EFHC2: variants seen among roughly 807,000 people sequenced by gnomAD.
The protein encoded by EFHC2 is EF-hand domain-containing family member C2.
EFHC2 carries 18 observed loss-of-function variants against 52.7 expected under a neutral mutation model. The observed-to-expected ratio is 0.34, with a 90% CI of 0.24 to 0.51. The LOEUF (loss-of-function observed/expected upper bound fraction) is 0.51. Ranked by LOEUF, EFHC2 falls within the 20% of genes least tolerant of loss-of-function variation. EFHC2 has a pLI of 0.97. For synonymous variants in EFHC2, 203 were observed against 204.1 expected, an observed-to-expected ratio of 0.99 and a Z score of 0.04; for missense variants, 513 against 562.5, an observed-to-expected ratio of 0.91 and a Z score of 0.89.
At chrX:44,324,584 T>C (rs2038041105) in intron 1 of EFHC2, among the ~76,000 whole-genome samples, 1 of 111,055 alleles carries the variant, frequency 9.0e-6, no homozygotes, top group Non-Finnish European at 1.9e-5. Context: ...ACACACACAA[T>C]TGCTACAAAC....
chrX:44,204,183 G>A (rs2037028231), intron 11 of EFHC2, among the ~76,000 whole-genome samples: 1 of 93,216 alleles, frequency 1.1e-5, no homozygotes, highest in South Asian at 5.1e-4. Flanking sequence ...TACCCTCAAA[G>A]GAAAAAAGAA....
chrX:44,340,685 G>C (rs980875071), intron 1 of EFHC2, among the ~76,000 whole-genome samples: 18 of 111,520 alleles, frequency 1.6e-4, no homozygotes, highest in Middle Eastern at 9.3e-3. Flanking sequence ...CCAATAAATG[G>C]TCATACAAAT....
intron 5 of EFHC2, among the ~76,000 whole-genome samples, 178 bp downstream of exon 5, chrX:44,250,016 T>C (rs571789621): frequency 1.8e-5 from 2 of 112,854 alleles, no homozygotes; most frequent in African/African-American, 6.4e-5. Context: ...TAATTGATCA[T>C]ATTCTCTGTA....
intron 9 of EFHC2, among the ~76,000 whole-genome samples, chrX:44,233,435 T>G (rs1405517049): frequency 8.9e-6 from 1 of 111,965 alleles, no homozygotes. Context: ...TCTGTTCTCT[T>G]CTAGACATTA....
At chrX:44,342,374 T>C (rs750818513) in intron 1 of EFHC2, among the ~76,000 whole-genome samples, 2 of 112,340 alleles carry the variant, frequency 1.8e-5, no homozygotes, top group East Asian at 5.6e-4. Context: ...AGTGGCTCCA[T>C]CTAATTCCCT....
rs143627041 is a variant in EFHC2, at chrX:44,298,715, G to T, written c.231+13853C>A. Reference sequence around the variant, plus strand: ...GTCTCTACTAAAAATACAAAAATTAGCCAGGCGTGCTGGCGGGCGTTTGTA... The same window carrying T: ...GTCTCTACTAAAAATACAAAAATTATCCAGGCGTGCTGGCGGGCGTTTGTA... On this transcript the variant is annotated intron_variant, in intron 2 of 14. Coordinates refer to ENST00000420999, the MANE Select transcript of EFHC2 (RefSeq NM_025184.4). Among the ~76,000 whole-genome samples, 915 of 109,197 alleles carry T rather than the reference G, an allele frequency of 8.4e-3. 5 individuals are homozygous for T. Among genetic ancestry groups the T allele is most frequent in the South Asian group, 0.015 (38 of 2,461 alleles). The allele number at this position is 109,197 out of a possible 115,157, so 94.8% of individuals were successfully genotyped here.
chrX:44,196,264 G>A (rs894959837), intron 11 of EFHC2, among the ~76,000 whole-genome samples: 4 of 111,454 alleles, frequency 3.6e-5, no homozygotes, highest in Admixed American at 9.5e-5. Flanking sequence ...CTCCTATTTT[G>A]CACTGACTTC....
intron 14 of EFHC2, 130 bp from the exon 15 acceptor site, chrX:44,149,026 C>T (rs1379846028): frequency 2.0e-6 from 1 of 493,156 alleles, no homozygotes; most frequent in African/African-American, 2.4e-5. Context: ...ACTTTGTGGT[C>T]TACTGGATAC....
intron 11 of EFHC2, among the ~76,000 whole-genome samples, chrX:44,188,425 C>G (rs2036894420): frequency 8.9e-6 from 1 of 111,810 alleles, no homozygotes; most frequent in Non-Finnish European, 1.9e-5. Flanking sequence ...GCACACATCC[C>G]TTGTCCATGA....
intron 2 of EFHC2, among the ~76,000 whole-genome samples, chrX:44,295,218 G>A (rs2037818934): frequency 1.8e-5 from 2 of 111,785 alleles, no homozygotes; most frequent in South Asian, 7.5e-4. Flanking sequence ...AAGGGTTTAT[G>A]AAAATGCTCC....
intron 11 of EFHC2, among the ~76,000 whole-genome samples, chrX:44,209,725 T>C: frequency 9.2e-6 from 1 of 108,962 alleles, no homozygotes; most frequent in Non-Finnish European, 1.9e-5. Flanking sequence ...CAGCAGGAGA[T>C]GAGCAGTGGG....
At chrX:44,287,277 A>C (rs2037758819) in intron 2 of EFHC2, among the ~76,000 whole-genome samples, 3 of 111,293 alleles carry the variant, frequency 2.7e-5, no homozygotes, top group African/African-American at 9.8e-5. Flanking sequence ...TTTCAAAAAA[A>C]ATTTTTCTAT....
rs746989051 is a variant in EFHC2, at chrX:44,252,184, T to C, written c.607-1739A>G. ...GTCCTCTGTCCCAGGAACCACTAGT[T>C]AGTTCCATAGTCTTCTTGATGCAAC... On this transcript the variant is annotated intron_variant, in intron 4 of 14. Coordinates refer to ENST00000420999, the MANE Select transcript of EFHC2 (RefSeq NM_025184.4). Among the ~76,000 whole-genome samples, 9 of 111,634 alleles carry C rather than the reference T, an allele frequency of 8.1e-5. No homozygotes were observed. In the South Asian group the frequency reaches 3.4e-3, roughly 42 times the overall value.
chrX:44,264,531 C>T (rs7887763), intron 3 of EFHC2, among the ~76,000 whole-genome samples: 20,648 of 111,130 alleles, frequency 0.19, 2,200 homozygotes, highest in African/African-American at 0.39. Flanking sequence ...GCCAGGGAAG[C>T]TCTTCTTGGT....
At chrX:44,205,020 T>TA (rs762028691) in intron 11 of EFHC2, among the ~76,000 whole-genome samples, 5 of 111,671 alleles carry the variant, frequency 4.5e-5, no homozygotes, top group Admixed American at 1.9e-4. Flanking sequence ...CCCATCAGAC[T>TA]AACAGTAGAC....
At chrX:44,240,450 C>T (rs777453254) in intron 8 of EFHC2, among the ~76,000 whole-genome samples, 1 of 112,192 alleles carries the variant, frequency 8.9e-6, no homozygotes, top group Non-Finnish European at 1.9e-5. Context: ...TCACAAAGAA[C>T]GGTTTTCCCC....
Position 44,232,685 on chromosome X carries a change from A to T in EFHC2, c.1424-8T>A. 1 of 1,181,257 alleles carries T rather than the reference A, an allele frequency of 8.5e-7. No individual in the cohort carries two copies. The highest frequency in any genetic ancestry group is 1.1e-6 in the Non-Finnish European group (1 of 880,028). On this transcript the variant is annotated splice_polypyrimidine_tract_variant and splice_region_variant and intron_variant, in intron 9 of 14. Transcript: ENST00000420999. ...ACATCCCACCAGCAATTCCTATAAA[A>T]AATAGAAAAGTTCATGAGCAGCCTT...
In EFHC2 at chrX:44,242,644, G is replaced by A. The variant is rs142582434; in HGVS notation, c.1112-355C>T. Among the ~76,000 whole-genome samples the A allele has an allele frequency of 3.7e-3, 405 of 110,764 alleles. 3 individuals are homozygous for A. Among genetic ancestry groups the A allele is most frequent in the African/African-American group, 0.011 (326 of 30,432 alleles). On this transcript the variant is annotated intron_variant, in intron 7 of 14. Transcript: ENST00000420999. ...TCAAACTTGAAACTTTAGGCCACTC[G>A]TTCCACATTTTAACCTGTAATTTAG... is the stretch of plus-strand genomic sequence containing the variant.
chrX:44,206,061 ACCAAGAGGAACTCAC>A (rs1160616354), intron 11 of EFHC2, among the ~76,000 whole-genome samples: 1 of 112,232 alleles, frequency 8.9e-6, no homozygotes, highest in Non-Finnish European at 1.9e-5. Context: ...AGAAACCAGT[ACCAAGAGGAACTCAC>A]AAAACCACAC....
Sources: gnomAD v4.1 joint callset for allele counts (sites outside exome capture counted in the v4.1 genomes callset) on GRCh38, gnomAD v4.1.1 for gene constraint, MANE v1.5 for transcripts, NCBI Gene and HGNC (gene_info 2026-07-23, HGNC 2026-07-21) for gene names.